Variants in SYT16 observed in about 807,000 individuals in gnomAD.
The protein encoded by SYT16 is synaptotagmin 16, also known as synaptotagmin-16.
Under a neutral mutation model 61.4 loss-of-function variants are expected in SYT16, and 42 were observed. That is an observed-to-expected ratio of 0.68 (90% CI 0.53 to 0.89). The LOEUF (loss-of-function observed/expected upper bound fraction) is 0.89, where lower values mean the gene tolerates loss of function less well. Among genes scored for constraint, SYT16 ranks in the 40% least tolerant of loss-of-function variants. The pLI is 0.00. For missense variants in SYT16, 804 were observed against 807.3 expected, an observed-to-expected ratio of 1.00 and a Z score of 0.05; for synonymous variants, 314 against 302.3, an observed-to-expected ratio of 1.04 and a Z score of -0.40.
chr14:61,852,637 C>T (rs1324470963), intron 1 of SYT16, among the ~76,000 whole-genome samples: 3 of 152,034 alleles, frequency 2.0e-5, no homozygotes, highest in Non-Finnish European at 4.4e-5. Flanking sequence ...TCTTCGCTTC[C>T]CTTGTTAGCT....
At chr14:61,930,790 T>C (rs2049734763) in intron 1 of SYT16, among the ~76,000 whole-genome samples, 1 of 151,994 alleles carries the variant, frequency 6.6e-6, no homozygotes, top group Non-Finnish European at 1.5e-5. Flanking sequence ...TAATGTGATA[T>C]AAGAAGAACT....
chr14:61,817,799 G>C (rs2045488897), intron 1 of SYT16, among the ~76,000 whole-genome samples: 1 of 152,192 alleles, frequency 6.6e-6, no homozygotes, highest in African/African-American at 2.4e-5. Flanking sequence ...TTTTATTGTG[G>C]TTGACATGGG....
chr14:61,895,953 G>A (rs146882502), intron 1 of SYT16, among the ~76,000 whole-genome samples: 43 of 152,304 alleles, frequency 2.8e-4, no homozygotes, highest in African/African-American at 1.0e-3. Context: ...GGCAGTGCGC[G>A]TGGGGACAGT....
At chr14:61,887,346 A>T (rs551279833) in intron 1 of SYT16, among the ~76,000 whole-genome samples, 1 of 152,322 alleles carries the variant, frequency 6.6e-6, no homozygotes, top group African/African-American at 2.4e-5. Flanking sequence ...CACTGAGCAT[A>T]GTTCTTAGGG....
intron 2 of SYT16, among the ~76,000 whole-genome samples, chr14:61,978,561 G>A (rs984488569): frequency 6.6e-6 from 1 of 152,230 alleles, no homozygotes; most frequent in Admixed American, 6.5e-5. Context: ...GGGAGTGGCA[G>A]GGCAAACTTA....
At chr14:61,966,322 A>G (rs1278116039) in intron 1 of SYT16, among the ~76,000 whole-genome samples, 2 of 152,128 alleles carry the variant, frequency 1.3e-5, no homozygotes, top group Non-Finnish European at 2.9e-5. Context: ...TATATCAATT[A>G]TGATTAAAAA....
intron 1 of SYT16, among the ~76,000 whole-genome samples, chr14:61,848,987 C>T (rs1042290037): frequency 1.1e-4 from 16 of 152,288 alleles, no homozygotes; most frequent in African/African-American, 3.4e-4. Flanking sequence ...GTTGTTGCTA[C>T]AAATTTTTCA....
chr14:62,055,160 A>G (rs958106686), intron 3 of SYT16, among the ~76,000 whole-genome samples: 2 of 152,230 alleles, frequency 1.3e-5, no homozygotes, highest in African/African-American at 2.4e-5. Context: ...TTTAATTATC[A>G]GGTCACCTCA....
At chr14:61,814,220 GC>G (rs2045356154) in intron 1 of SYT16, among the ~76,000 whole-genome samples, 1 of 152,074 alleles carries the variant, frequency 6.6e-6, no homozygotes, top group Admixed American at 6.6e-5. Context: ...GCTAATTTGG[GC>G]CAAATTTCCC....
chr14:62,071,689 A>G (rs2056305643), intron 4 of SYT16, among the ~76,000 whole-genome samples: 1 of 152,008 alleles, frequency 6.6e-6, no homozygotes. Flanking sequence ...TTAAGCATGC[A>G]CTCCAGAGAG....
rs1438151602 is a variant in SYT16 at position 62,108,725 on chromosome 14, A to G, written c.*8018A>G. ...ATTTTAAAACTTAATTTCAGTATAG[A>G]TTTTAAGTTTGTGAATAAGAAATTA... On this transcript the variant is annotated 3_prime_UTR_variant, in exon 8 of 8. Coordinates refer to ENST00000683842, the MANE Select transcript of SYT16 (RefSeq NM_001367656.1). 1 of 152,184 alleles carries G rather than the reference A, an allele frequency of 6.6e-6. No individual in the cohort carries two copies. The highest frequency in any genetic ancestry group is 1.9e-4 in the East Asian group (1 of 5,198). 9.4% of individuals were successfully genotyped at this position (152,184 alleles called of 1,614,324 possible). A position where few individuals can be genotyped will look rare whatever the true frequency, so the allele number is the denominator to read the frequency against.
At chr14:61,864,355 G>A (rs540439992) in intron 1 of SYT16, among the ~76,000 whole-genome samples, 2 of 152,250 alleles carry the variant, frequency 1.3e-5, no homozygotes, top group Admixed American at 6.5e-5. Flanking sequence ...CAGCTGCCGC[G>A]GAAGGCCGCT....
At chr14:62,078,057 T>G (rs575576497) in intron 5 of SYT16, among the ~76,000 whole-genome samples, 1 of 152,030 alleles carries the variant, frequency 6.6e-6, no homozygotes, top group African/African-American at 2.4e-5. Flanking sequence ...ACAGAGAGTG[T>G]GATTCCAACC....
chr14:62,075,622 A>AAAAAAAAAAAAAAAAG (rs1566824423), intron 5 of SYT16, among the ~76,000 whole-genome samples: 1 of 113,360 alleles, frequency 8.8e-6, no homozygotes, highest in African/African-American at 3.0e-5. Flanking sequence ...AAAAAAAAGA[A>AAAAAAAAAAAAAAAAG]AAAAAGAAAA....
intron 1 of SYT16, among the ~76,000 whole-genome samples, chr14:61,819,122 A>G (rs982449856): frequency 2.0e-5 from 3 of 152,180 alleles, no homozygotes; most frequent in African/African-American, 4.8e-5. Flanking sequence ...ATGAATCTAA[A>G]ATTTGGTCTA....
chr14:62,098,557 G>T (rs2057337503), intron 7 of SYT16, among the ~76,000 whole-genome samples: 1 of 152,178 alleles, frequency 6.6e-6, no homozygotes, highest in Non-Finnish European at 1.5e-5. Context: ...GGGGTTCTAC[G>T]ATGAGGAGGT....
chr14:61,899,861 G>A (rs2048449793), intron 1 of SYT16, among the ~76,000 whole-genome samples: 1 of 152,134 alleles, frequency 6.6e-6, no homozygotes, highest in African/African-American at 2.4e-5. Context: ...AATCTCCCAG[G>A]GAGGAACTGT....
At chr14:61,940,966 C>T (rs1274397799) in intron 1 of SYT16, among the ~76,000 whole-genome samples, 3 of 152,150 alleles carry the variant, frequency 2.0e-5, no homozygotes, top group African/African-American at 4.8e-5. Flanking sequence ...CTTCCTGGGC[C>T]TTAGGGGAGA....
At chr14:61,847,030 T>A (rs917667125) in intron 1 of SYT16, among the ~76,000 whole-genome samples, 1 of 152,190 alleles carries the variant, frequency 6.6e-6, no homozygotes, top group African/African-American at 2.4e-5. Flanking sequence ...TTTGAAAAGT[T>A]GTTGTTATTA....
Sources: allele counts gnomAD v4.1 joint callset (sites outside exome capture counted in the v4.1 genomes callset), GRCh38; gene constraint gnomAD v4.1.1; transcripts MANE v1.5; gene names NCBI Gene and HGNC (gene_info 2026-07-23, HGNC 2026-07-21).